The following RNF220 variants were observed in gnomAD, a reference collection of about 807,000 sequenced individuals.
The protein encoded by RNF220 is E3 ubiquitin-protein ligase RNF220.
Under a neutral mutation model 67.1 loss-of-function variants are expected in RNF220, and 7 were observed. That is an observed-to-expected ratio of 0.10 (90% CI 0.06 to 0.20). The LOEUF is 0.20. Ranked by LOEUF, RNF220 falls within the 10% of genes least tolerant of loss-of-function variation. The pLI is 1.00. For synonymous variants in RNF220, 270 were observed against 283.2 expected (o/e 0.95, Z 0.47); for missense variants, 565 against 740.3 (o/e 0.76, Z 2.75).
At chr1:44,486,766 T>G (rs1183764490) in intron 2 of RNF220, among the ~76,000 whole-genome samples, 1 of 152,142 alleles carries the variant, frequency 6.6e-6, no homozygotes, top group East Asian at 1.9e-4. Context: ...GTTCAAATCT[T>G]AGCTCCACCA....
chr1:44,503,690 G>C (rs1472038117), intron 2 of RNF220, among the ~76,000 whole-genome samples: 2 of 152,208 alleles, frequency 1.3e-5, no homozygotes, highest in Admixed American at 6.5e-5. Flanking sequence ...TGAAGAGAAG[G>C]CATTGAGAAA....
chr1:44,471,046 C>T (rs1456850700), intron 2 of RNF220, among the ~76,000 whole-genome samples: 1 of 152,092 alleles, frequency 6.6e-6, no homozygotes, highest in Admixed American at 6.5e-5. Context: ...GAGCAGTGAC[C>T]CGCTGCTGCA....
intron 2 of RNF220, among the ~76,000 whole-genome samples, chr1:44,586,866 A>G (rs184978554): frequency 8.7e-4 from 133 of 152,270 alleles, no homozygotes; most frequent in African/African-American, 3.1e-3. Context: ...GAAGATGGAA[A>G]ATCAAGTGGA....
At chr1:44,427,191 G>A (rs1016088798) in intron 2 of RNF220, among the ~76,000 whole-genome samples, 8 of 152,168 alleles carry the variant, frequency 5.3e-5, no homozygotes, top group African/African-American at 1.9e-4. Context: ...ACACAAGCAG[G>A]TGTGAGAGAA....
chr1:44,480,430 G>A (rs1265332690), intron 2 of RNF220, among the ~76,000 whole-genome samples: 1 of 151,670 alleles, frequency 6.6e-6, no homozygotes, highest in Non-Finnish European at 1.5e-5. Flanking sequence ...AATTAATTAA[G>A]TGATTGCAAA....
intron 2 of RNF220, among the ~76,000 whole-genome samples, chr1:44,591,898 C>T (rs1666142535): frequency 6.6e-6 from 1 of 152,094 alleles, no homozygotes; most frequent in Non-Finnish European, 1.5e-5. Flanking sequence ...AAGCCCTCTC[C>T]ACCTCCGAGC....
intron 5 of RNF220, 85 bp from the exon 6 acceptor site, chr1:44,632,258 C>G (rs1238888722): frequency 6.2e-7 from 1 of 1,613,612 alleles, no homozygotes. Context: ...GGTCGGGGGT[C>G]CGGTGCTGGG....
chr1:44,623,543 C>G lies in RNF220; in HGVS notation c.804+756C>G, dbSNP rs544838293. On this transcript the variant is annotated intron_variant, in intron 4 of 14. Transcript: ENST00000361799. Reference sequence around the variant, plus strand: ...CCTCACTCACTGAGTATCCCCTTCCCCATTCCTCGGTAGAAGACTGCATCC... The same window carrying G: ...CCTCACTCACTGAGTATCCCCTTCCGCATTCCTCGGTAGAAGACTGCATCC... Among the ~76,000 whole-genome samples the G allele has an allele frequency of 7.2e-5, 11 of 152,342 alleles. No homozygotes were observed. In the South Asian group the frequency reaches 2.3e-3, roughly 32 times the overall value.
chr1:44,608,917 G>GGCA (rs1667470113), intron 2 of RNF220, among the ~76,000 whole-genome samples: 1 of 152,128 alleles, frequency 6.6e-6, no homozygotes, highest in Non-Finnish European at 1.5e-5. Context: ...TTGCTAGTGT[G>GGCA]TTACTGGAGG....
At chr1:44,558,433 C>CTTT (rs1316180156) in intron 2 of RNF220, among the ~76,000 whole-genome samples, 1 of 152,196 alleles carries the variant, frequency 6.6e-6, no homozygotes, top group Non-Finnish European at 1.5e-5. Flanking sequence ...ATGTGTAAGA[C>CTTT]TTTGTCTAAA....
intron 2 of RNF220, among the ~76,000 whole-genome samples, chr1:44,594,460 A>G (rs1162566813): frequency 6.6e-6 from 1 of 152,180 alleles, no homozygotes; most frequent in Non-Finnish European, 1.5e-5. Flanking sequence ...CCCAACAGAA[A>G]TGGCCTTGCA....
intron 1 of RNF220, among the ~76,000 whole-genome samples, chr1:44,407,477 C>G (rs1450682715): frequency 6.6e-6 from 1 of 151,976 alleles, no homozygotes; most frequent in Non-Finnish European, 1.5e-5. Context: ...TCTTCCGTGC[C>G]GATCCCTCCT....
At chr1:44,407,655 G>T (rs1045793393) in intron 1 of RNF220, among the ~76,000 whole-genome samples, 3 of 152,062 alleles carry the variant, frequency 2.0e-5, no homozygotes, top group Admixed American at 2.0e-4. Flanking sequence ...CGAGCCGCGC[G>T]GTGTGCGGCG....
At chr1:44,463,498 A>G (rs1653983760) in intron 2 of RNF220, among the ~76,000 whole-genome samples, 1 of 150,972 alleles carries the variant, frequency 6.6e-6, no homozygotes, top group Non-Finnish European at 1.5e-5. Flanking sequence ...TCTAATAAAT[A>G]CTCACTTTTG....
intron 2 of RNF220, among the ~76,000 whole-genome samples, chr1:44,580,063 A>AAAAG (rs1200849885): frequency 3.3e-4 from 49 of 149,032 alleles, no homozygotes; most frequent in African/African-American, 1.1e-3. Context: ...AAAAAGAAAG[A>AAAAG]AAAGAAAGAA....
chr1:44,517,051 C>CT (rs1248992183), intron 2 of RNF220, among the ~76,000 whole-genome samples: 1 of 152,176 alleles, frequency 6.6e-6, no homozygotes, highest in Non-Finnish European at 1.5e-5. Context: ...TCCTCAGCCC[C>CT]TCAGTCTACC....
chr1:44,459,958 A>T (rs1018910803), intron 2 of RNF220, among the ~76,000 whole-genome samples: 3 of 152,118 alleles, frequency 2.0e-5, no homozygotes, highest in Non-Finnish European at 4.4e-5. Flanking sequence ...CTAAAAGTGG[A>T]CCCTGAGACG....
At chr1:44,635,457 G>A (rs749678082) in intron 6 of RNF220, 88 bp from the exon 7 acceptor site, 2 of 1,552,738 alleles carry the variant, frequency 1.3e-6, no homozygotes, top group African/African-American at 2.7e-5. Context: ...GCTGGCAAGA[G>A]GTCAGGATGT....
intron 2 of RNF220, among the ~76,000 whole-genome samples, chr1:44,422,581 G>T (rs866649561): frequency 6.6e-6 from 1 of 152,200 alleles, no homozygotes; most frequent in African/African-American, 2.4e-5. Context: ...TATTTAAAGT[G>T]AGTGCCTGCT....
Sources: allele counts gnomAD v4.1 joint callset (sites outside exome capture counted in the v4.1 genomes callset), GRCh38; gene constraint gnomAD v4.1.1; transcripts MANE v1.5; gene names NCBI Gene and HGNC (gene_info 2026-07-23, HGNC 2026-07-21).